The following STXBP5L variants were observed in gnomAD, a reference collection of about 807,000 sequenced individuals.
STXBP5L encodes the protein syntaxin-binding protein 5-like.
A neutral mutation model predicts 144.5 loss-of-function variants in STXBP5L; 65 were observed. The observed-to-expected ratio is 0.45, with a 90% CI of 0.37 to 0.55. STXBP5L has a LOEUF of 0.55. STXBP5L is among the 20% of genes least tolerant of loss of function. STXBP5L has a pLI of 0.00. For missense variants in STXBP5L, 1,298 were observed against 1,405.5 expected (o/e 0.92, Z 1.22); for synonymous variants, 505 against 469.6 (o/e 1.08, Z -0.97).
intron 7 of STXBP5L, among the ~76,000 whole-genome samples, chr3:121,137,486 G>A (rs1325488948): frequency 6.6e-6 from 1 of 151,996 alleles, no homozygotes; most frequent in Admixed American, 6.6e-5. Flanking sequence ...TAATAAAAAA[G>A]AAAACTACAG....
chr3:121,109,102 T>A (rs2043855911), intron 5 of STXBP5L, among the ~76,000 whole-genome samples: 2 of 152,190 alleles, frequency 1.3e-5, no homozygotes, highest in African/African-American at 4.8e-5. Context: ...ATCCCCTTTA[T>A]CATTTTTTAT....
At chr3:121,023,360 C>A (rs1240214245) in intron 3 of STXBP5L, among the ~76,000 whole-genome samples, 1 of 152,048 alleles carries the variant, frequency 6.6e-6, no homozygotes, top group Non-Finnish European at 1.5e-5. Flanking sequence ...CATCTAAATA[C>A]CACCATCATT....
At chr3:121,172,961 A>G (rs1456290451) in intron 9 of STXBP5L, among the ~76,000 whole-genome samples, 1 of 152,202 alleles carries the variant, frequency 6.6e-6, no homozygotes, top group Non-Finnish European at 1.5e-5. Context: ...CTGGATAAAG[A>G]AACTGTGGCA....
chr3:121,282,301 C>G, intron 19 of STXBP5L: 1 of 1,611,964 alleles, frequency 6.2e-7, no homozygotes, highest in South Asian at 1.1e-5. Flanking sequence ...TAACTTTTAT[C>G]CTGATTTAAC....
intron 9 of STXBP5L, among the ~76,000 whole-genome samples, chr3:121,161,850 G>A (rs904353640): frequency 2.6e-5 from 4 of 151,996 alleles, no homozygotes; most frequent in African/African-American, 9.7e-5. Flanking sequence ...AAGCAGGACA[G>A]GGGTGTCCAC....
chr3:121,132,365 G>T (rs576453080), intron 7 of STXBP5L, among the ~76,000 whole-genome samples: 1 of 152,278 alleles, frequency 6.6e-6, no homozygotes, highest in South Asian at 2.1e-4. Flanking sequence ...CTAGCTACCT[G>T]GGGAGAACCA....
At chr3:120,977,510 T>C (rs1385907458) in intron 3 of STXBP5L, among the ~76,000 whole-genome samples, 1 of 152,222 alleles carries the variant, frequency 6.6e-6, no homozygotes, top group Non-Finnish European at 1.5e-5. Context: ...TTTGGCAGTC[T>C]GTGTCTTTTA....
At chr3:121,354,359 G>A (rs976165271) in intron 20 of STXBP5L, among the ~76,000 whole-genome samples, 1 of 152,038 alleles carries the variant, frequency 6.6e-6, no homozygotes, top group African/African-American at 2.4e-5. Flanking sequence ...ATGAATCTGG[G>A]TGCTCTTGTA....
chr3:120,909,673 C>T lies in STXBP5L; in HGVS notation c.95C>T (p.Ala32Val), dbSNP rs200199275. ...AGTGGCAGTAACAGTGGTGGTGGGG[C>T]TGGAAGTGGTTCCGTACATCCGGCG... ...SSSGSNSGGGAGSGSVHPAGT... is the reference protein window; with the variant it reads ...SSSGSNSGGGVGSGSVHPAGT... Residue 32 changes from alanine to valine, a missense_variant, in exon 2 of 27, where the codon GCT becomes GTT. By Grantham distance (64) the Ala-to-Val change is moderately conservative (BLOSUM62 0). Coordinates refer to ENST00000471454, the MANE Select transcript of STXBP5L (RefSeq NM_001308330.2). 1.9e-6 allele frequency: 3 copies of T among 1,613,584 alleles called. No homozygotes were observed. The highest frequency in any genetic ancestry group is 1.1e-5 in the South Asian group (1 of 90,970).
At chr3:121,090,154 A>C (rs755055267) in intron 5 of STXBP5L, among the ~76,000 whole-genome samples, 16 of 152,098 alleles carry the variant, frequency 1.1e-4, no homozygotes, top group Non-Finnish European at 2.2e-4. Flanking sequence ...CATTCCAGGC[A>C]TTGTTATGAG....
chr3:121,018,546 T>G (rs1307121864), intron 3 of STXBP5L, among the ~76,000 whole-genome samples: 1 of 93,870 alleles, frequency 1.1e-5, no homozygotes, highest in African/African-American at 3.9e-5. Flanking sequence ...AAAAAAAAAA[T>G]GCAGACACAG....
chr3:120,931,739 C>T (rs2107620033), intron 2 of STXBP5L, among the ~76,000 whole-genome samples: 1 of 152,308 alleles, frequency 6.6e-6, no homozygotes, highest in African/African-American at 2.4e-5. Flanking sequence ...AACCAAACCA[C>T]AATCCCTGCA....
At chr3:121,402,223 T>C (rs1164628054) in intron 22 of STXBP5L, among the ~76,000 whole-genome samples, 2 of 152,150 alleles carry the variant, frequency 1.3e-5, no homozygotes, top group Non-Finnish European at 2.9e-5. Context: ...TAATAAGCAC[T>C]GAAGATAAAG....
intron 3 of STXBP5L, among the ~76,000 whole-genome samples, chr3:120,981,498 T>A (rs191885046): frequency 2.6e-5 from 4 of 152,260 alleles, no homozygotes; most frequent in African/African-American, 7.2e-5. Context: ...ATCTCTATAT[T>A]GTGGTTCCTT....
intron 3 of STXBP5L, among the ~76,000 whole-genome samples, chr3:121,024,097 T>TAAGA (rs1945754992): frequency 6.6e-6 from 1 of 152,118 alleles, no homozygotes; most frequent in Non-Finnish European, 1.5e-5. Flanking sequence ...AAATAAAAAT[T>TAAGA]GCCCTGCGAA....
intron 6 of STXBP5L, among the ~76,000 whole-genome samples, chr3:121,119,248 G>A (rs2044356387): frequency 6.6e-6 from 1 of 151,362 alleles, no homozygotes; most frequent in Non-Finnish European, 1.5e-5. Flanking sequence ...ATAATCAACT[G>A]CAAATGAGTA....
At chr3:121,340,717 A>G (rs1002872869) in intron 20 of STXBP5L, among the ~76,000 whole-genome samples, 2 of 152,122 alleles carry the variant, frequency 1.3e-5, no homozygotes, top group Non-Finnish European at 2.9e-5. Context: ...ACAGAATATT[A>G]TAACACTGGG....
intron 22 of STXBP5L, among the ~76,000 whole-genome samples, chr3:121,398,391 T>C (rs1255120907): frequency 6.6e-6 from 1 of 152,138 alleles, no homozygotes; most frequent in Admixed American, 6.5e-5. Flanking sequence ...GGGGGACAGA[T>C]ATTGTACAGG....
At chr3:121,416,629 T>C (rs979968883) in intron 25 of STXBP5L, among the ~76,000 whole-genome samples, 4 of 151,580 alleles carry the variant, frequency 2.6e-5, no homozygotes, top group Non-Finnish European at 4.4e-5. Flanking sequence ...TGCCTCAGCC[T>C]CCCAAGTAGC....
Sources: allele counts gnomAD v4.1 joint callset (sites outside exome capture counted in the v4.1 genomes callset), GRCh38; gene constraint gnomAD v4.1.1; transcripts MANE v1.5; gene names NCBI Gene and HGNC (gene_info 2026-07-23, HGNC 2026-07-21).